Variants in CABIN1 observed in about 807,000 individuals in gnomAD.
CABIN1 encodes calcineurin-binding protein cabin-1.
In CABIN1, 133 loss-of-function variants were observed where a neutral mutation model predicts 227.7. The ratio of observed to expected loss-of-function variants is 0.58; its 90% CI spans 0.51 to 0.67. The LOEUF (loss-of-function observed/expected upper bound fraction) is 0.67. Ranked by LOEUF, CABIN1 falls within the 30% of genes least tolerant of loss-of-function variation. CABIN1 has a pLI of 0.00. For missense variants in CABIN1, 2,408 were observed against 2,852.5 expected, an observed-to-expected ratio of 0.84 and a Z score of 3.55; for synonymous variants, 1,086 against 1,155.1, an observed-to-expected ratio of 0.94 and a Z score of 1.21.
Position 24,060,082 on chromosome 22 carries a change from AG to A in CABIN1, c.1560del (p.Arg520SerfsTer11). 1 of 1,614,018 alleles carries A rather than the reference AG, an allele frequency of 6.2e-7. No individual in the cohort carries two copies. Among genetic ancestry groups the A allele is most frequent in the Non-Finnish European group, 8.5e-7 (1 of 1,180,020 alleles). On this transcript the variant is annotated frameshift_variant, in exon 12 of 37. Coordinates refer to ENST00000263119, the MANE Select transcript of CABIN1 (RefSeq NM_012295.4). LOFTEE classifies it high-confidence loss of function. ...GCTCAGCGTCTACCACAGCTGGAGG[AG>A]GCACAGCACCAGCCTGCCCAACCCG... ...VVLSVYHSWRRHSTSLPNPLL... is the reference protein window; with the variant it reads ...VVLSVYHSWRXHSTSLPNPLL...
rs2034846490 is a variant in CABIN1, at chr22:24,011,967, T to C, written c.-75+600T>C. 2.0e-5 allele frequency among the ~76,000 whole-genome samples: 3 copies of C among 152,202 alleles called. 1 individual carries two copies. The South Asian group carries it at 6.2e-4, about 31-fold the overall frequency. On this transcript the variant is annotated intron_variant, in intron 1 of 36. Coordinates refer to ENST00000263119, the MANE Select transcript of CABIN1 (RefSeq NM_012295.4). Reference sequence around the variant, plus strand: ...CTTAACTCTTCAGGACCTGGGTTATTACAGGTTATAAGTGTGGGACCGTCG... The same window carrying C: ...CTTAACTCTTCAGGACCTGGGTTATCACAGGTTATAAGTGTGGGACCGTCG...
chr22:24,112,522 A>G (rs2042863660), intron 26 of CABIN1, among the ~76,000 whole-genome samples: 1 of 151,966 alleles, frequency 6.6e-6, no homozygotes, highest in Admixed American at 6.5e-5. Context: ...GTACTCCTCC[A>G]TGTTCTTGCC....
intron 1 of CABIN1, among the ~76,000 whole-genome samples, chr22:24,015,349 C>CTT (rs1217870587): frequency 4.7e-5 from 6 of 127,192 alleles, no homozygotes; most frequent in Non-Finnish European, 6.7e-5. Context: ...CTTCTTCATT[C>CTT]TTTTTTTTTT....
rs773247050 is a variant in CABIN1, at chr22:24,176,161, G to A, written c.6091G>A (p.Glu2031Lys). Residue 2031 changes from glutamate (E) to lysine (K), a missense_variant, in exon 35 of 37, where the codon GAG becomes AAG. Coordinates refer to ENST00000263119, the MANE Select transcript of CABIN1 (RefSeq NM_012295.4). ...AGAGGGCACCAGCTTCCCGCCTCAG[G>A]AGCCACGGCACAGTCCGCAGGTGAA... The part of the protein sequence containing the change: ...VAEGTSFPPQ[E>K]PRHSPQVKMA... The A allele has an allele frequency of 6.2e-7, 1 of 1,611,228 alleles. No homozygotes were observed. Among genetic ancestry groups the A allele is most frequent in the Non-Finnish European group, 8.5e-7 (1 of 1,179,354 alleles).
chr22:24,156,120 T>TGGGGCC lies in CABIN1; in HGVS notation c.4747-8274_4747-8269dup, dbSNP rs1187898386. On this transcript the variant is annotated intron_variant, in intron 29 of 36. Transcript: ENST00000263119. ...CGGGGGCCGGGACTGGGGCCGGGAC[T>TGGGGCC]GGGGCCGGGGCTGGGGCTGCGCAAC... The TGGGGCC allele has an allele frequency of 1.7e-5, 7 of 402,246 alleles. No individual in the cohort carries two copies. In the Admixed American group the frequency reaches 2.2e-4, roughly 13 times the overall value. 24.9% of individuals were successfully genotyped at this position (402,246 alleles called of 1,614,324 possible). A position where few individuals can be genotyped will look rare whatever the true frequency, so the allele number is the denominator to read the frequency against.
chr22:24,099,626 T>C (rs555572667), intron 26 of CABIN1, among the ~76,000 whole-genome samples: 1 of 152,358 alleles, frequency 6.6e-6, no homozygotes, highest in Admixed American at 6.5e-5. Flanking sequence ...TCCCAAACTT[T>C]TACTCTTGAG....
At chr22:24,018,770 A>G (rs2035487642) in intron 1 of CABIN1, among the ~76,000 whole-genome samples, 1 of 151,700 alleles carries the variant, frequency 6.6e-6, no homozygotes, top group South Asian at 2.1e-4. Context: ...TTGTTTTTCC[A>G]TATGAATTTT....
Position 24,076,436 on chromosome 22 carries a change from C to G in CABIN1, c.2748+152C>G, listed in dbSNP as rs568067926. 50 of 700,484 alleles carry G rather than the reference C, an allele frequency of 7.1e-5. 1 individual carries two copies. In the South Asian group the frequency reaches 7.5e-4, roughly 11 times the overall value. The allele number at this position is 700,484 out of a possible 1,614,324, so 43.4% of individuals were successfully genotyped here. A position where few individuals can be genotyped will look rare whatever the true frequency, so the allele number is the denominator to read the frequency against. ...TGTGTGTCTTTGACTTACTGCATTT[C>G]TCACTGTAGTTACCGAAGCTTGTCA... is the stretch of plus-strand genomic sequence containing the variant. On this transcript the variant is annotated intron_variant, in intron 19 of 36. Transcript: ENST00000263119.
At position 24,087,722 on chromosome 22, in the gene CABIN1, G is replaced by A; in HGVS notation, c.3525+9G>A. The A allele has an allele frequency of 8.7e-6, 14 of 1,613,396 alleles. No homozygotes were observed. In the South Asian group the frequency reaches 1.5e-4, roughly 18 times the overall value. ...CTGAGCTCGTGCAGCAGGTGAGGAG[G>A]GGGTGCTGCAGATGGGCTTGCCATC... On this transcript the variant is annotated intron_variant, in intron 23 of 36. Coordinates refer to ENST00000263119, the MANE Select transcript of CABIN1 (RefSeq NM_012295.4).
intron 10 of CABIN1, among the ~76,000 whole-genome samples, chr22:24,057,815 A>G (rs2038911554): frequency 6.6e-6 from 1 of 152,202 alleles, no homozygotes; most frequent in African/African-American, 2.4e-5. Context: ...AATTTTTCTT[A>G]AGGGGTAATA....
At chr22:24,128,256 C>T (rs2043856320) in intron 28 of CABIN1, among the ~76,000 whole-genome samples, 1 of 142,708 alleles carries the variant, frequency 7.0e-6, no homozygotes, top group African/African-American at 2.7e-5. Context: ...TACTCATAAA[C>T]TCTTTGATTG....
Position 24,113,765 on chromosome 22 carries a change from C to T in CABIN1, c.4300+17C>T, listed in dbSNP as rs201904729. 149 of 1,613,278 alleles carry T rather than the reference C, an allele frequency of 9.2e-5. No homozygotes were observed. Among genetic ancestry groups the T allele is most frequent in the African/African-American group, 9.3e-5 (7 of 75,054 alleles). ...AAGAAAGAGGTATGAAGCCCTAACT[C>T]GGTGAATTAGAACCACTTTGATGTC... is the stretch of plus-strand genomic sequence containing the variant. On this transcript the variant is annotated intron_variant, in intron 27 of 36. Transcript: ENST00000263119.
At chr22:24,064,560 G>T (rs1386997127) in intron 15 of CABIN1, among the ~76,000 whole-genome samples, 1 of 125,738 alleles carries the variant, frequency 8.0e-6, no homozygotes, top group South Asian at 2.5e-4. Flanking sequence ...GGTGTTTCTC[G>T]CAGAGGGGGA....
chr22:24,039,293 A>G (rs1028010620), intron 4 of CABIN1, among the ~76,000 whole-genome samples: 1 of 152,182 alleles, frequency 6.6e-6, no homozygotes, highest in Non-Finnish European at 1.5e-5. Flanking sequence ...GCATGCAGAC[A>G]CTTATGACTC....
At position 24,084,662 on chromosome 22, in the gene CABIN1, C is replaced by A; in HGVS notation, c.2994C>A (p.Thr998=). The A allele has an allele frequency of 6.2e-7, 1 of 1,614,108 alleles. No homozygotes were observed. The highest frequency in any genetic ancestry group is 8.5e-7 in the Non-Finnish European group (1 of 1,179,998). The stretch of plus-strand genomic sequence containing the variant: ...TTCCTGAATTTGACAGCTATAAGAC[C>A]AGCACCGTGTCTGCTGACTTGGCCA... ...KTLPEFDSYK[T]STVSADLANL... is the part of the protein sequence containing the mutation. Residue 998 remains threonine (T), a synonymous_variant, in exon 21 of 37, where the codon ACC becomes ACA. Coordinates refer to ENST00000263119, the MANE Select transcript of CABIN1 (RefSeq NM_012295.4).
intron 30 of CABIN1, 83 bp from the exon 31 acceptor site, chr22:24,165,447 G>A (rs2046389533): frequency 1.6e-6 from 2 of 1,243,970 alleles, no homozygotes; most frequent in Non-Finnish European, 2.3e-6. Context: ...TCAAGGCAGG[G>A]ATGGGCAGTG....
chr22:24,122,577 G>A (rs2043481988), intron 28 of CABIN1, among the ~76,000 whole-genome samples: 1 of 152,072 alleles, frequency 6.6e-6, no homozygotes, highest in Non-Finnish European at 1.5e-5. Flanking sequence ...GCGTGATGGT[G>A]CACACCTGTA....
Position 24,076,095 on chromosome 22 carries a change from CTG to C in CABIN1, c.2633-73_2633-72del. 3.0e-6 allele frequency: 3 copies of C among 991,846 alleles called. No homozygotes were observed. The South Asian group carries it at 3.9e-5, about 13-fold the overall frequency. 61.4% of individuals were successfully genotyped at this position (991,846 alleles called of 1,614,324 possible). A position where few individuals can be genotyped will look rare whatever the true frequency, so the allele number is the denominator to read the frequency against. ...GACAGAAAAGCCCGAAAAGAGGAGA[CTG>C]AGCCTCGCAGCCCCTGCAGGCACGC... On this transcript the variant is annotated intron_variant, in intron 18 of 36. Coordinates refer to ENST00000263119, the MANE Select transcript of CABIN1 (RefSeq NM_012295.4).
chr22:24,087,779 C>T (rs147782678), intron 23 of CABIN1, 66 bp downstream of exon 23: 25 of 1,589,588 alleles, frequency 1.6e-5, no homozygotes, highest in African/African-American at 5.4e-5. Flanking sequence ...CTCAGGTCAA[C>T]GAAGCTCTGT....
Sources: gnomAD v4.1 joint callset for allele counts (sites outside exome capture counted in the v4.1 genomes callset) on GRCh38, gnomAD v4.1.1 for gene constraint, MANE v1.5 for transcripts, NCBI Gene and HGNC (gene_info 2026-07-23, HGNC 2026-07-21) for gene names.